ATXN7L1: variants seen among roughly 807,000 people sequenced by gnomAD.
The protein encoded by ATXN7L1 is ataxin-7-like protein 1.
Under a neutral mutation model 70.8 loss-of-function variants are expected in ATXN7L1, and 15 were observed. The observed-to-expected ratio is 0.21, with a 90% CI of 0.14 to 0.33. The LOEUF (loss-of-function observed/expected upper bound fraction) is 0.33. ATXN7L1 is among the 10% of genes least tolerant of loss of function. The pLI, the probability that ATXN7L1 is intolerant of heterozygous loss-of-function variation, is 1.00. For missense variants in ATXN7L1, 975 were observed against 1,097.1 expected (o/e 0.89, Z 1.57); for synonymous variants, 440 against 445.1 (o/e 0.99, Z 0.14).
intron 2 of ATXN7L1, among the ~76,000 whole-genome samples, chr7:105,826,894 A>G (rs1227273699): frequency 2.6e-5 from 4 of 152,200 alleles, no homozygotes; most frequent in Non-Finnish European, 5.9e-5. Flanking sequence ...ATATTTTACA[A>G]GAGACTTACA....
At chr7:105,823,132 G>A (rs1288815417) in intron 2 of ATXN7L1, among the ~76,000 whole-genome samples, 2 of 151,614 alleles carry the variant, frequency 1.3e-5, no homozygotes, top group East Asian at 3.9e-4. Flanking sequence ...TTTTGGTCAG[G>A]AACTTTGATT....
chr7:105,855,998 T>C (rs1238056960), intron 2 of ATXN7L1, among the ~76,000 whole-genome samples: 1 of 152,236 alleles, frequency 6.6e-6, no homozygotes, highest in African/African-American at 2.4e-5. Context: ...ATCATGTCTC[T>C]AGCTTTATTG....
chr7:105,835,467 A>T (rs575872283), intron 2 of ATXN7L1, among the ~76,000 whole-genome samples: 7 of 141,640 alleles, frequency 4.9e-5, no homozygotes, highest in African/African-American at 1.3e-4. Context: ...TTGTATAATT[A>T]AAAAAAAAAA....
At chr7:105,782,312 A>C (rs1028576584) in intron 3 of ATXN7L1, among the ~76,000 whole-genome samples, 8 of 152,190 alleles carry the variant, frequency 5.3e-5, no homozygotes, top group Non-Finnish European at 1.2e-4. Context: ...CCCTTTCTAC[A>C]ACTATTCCTA....
chr7:105,630,520 G>A (rs1467627890), intron 7 of ATXN7L1, among the ~76,000 whole-genome samples: 1 of 151,930 alleles, frequency 6.6e-6, no homozygotes, highest in Non-Finnish European at 1.5e-5. Flanking sequence ...TTAAAAAGAG[G>A]CATCCAGTCT....
intron 3 of ATXN7L1, among the ~76,000 whole-genome samples, chr7:105,708,359 C>T (rs1793440497): frequency 6.6e-6 from 1 of 152,184 alleles, no homozygotes; most frequent in South Asian, 2.1e-4. Context: ...ACATTTGGCT[C>T]TTGTTCCTCT....
intron 10 of ATXN7L1, chr7:105,613,611 G>T: frequency 2.2e-6 from 3 of 1,366,864 alleles, no homozygotes; most frequent in Non-Finnish European, 2.9e-6. Flanking sequence ...CACTGCACTG[G>T]GGTGTCGTGA....
chr7:105,639,610 A>T, intron 5 of ATXN7L1, 41 bp from the exon 6 acceptor site: 2 of 1,419,170 alleles, frequency 1.4e-6, no homozygotes, highest in Non-Finnish European at 1.9e-6. Context: ...AAAAAAGGAG[A>T]CTAAATAGGA....
chr7:105,816,539 A>T (rs1809223365), intron 2 of ATXN7L1, among the ~76,000 whole-genome samples: 1 of 152,152 alleles, frequency 6.6e-6, no homozygotes, highest in East Asian at 1.9e-4. Context: ...TGCTGCTGAA[A>T]ACTTCCAAGC....
intron 3 of ATXN7L1, among the ~76,000 whole-genome samples, chr7:105,739,559 G>C (rs576380729): frequency 6.6e-6 from 1 of 152,206 alleles, no homozygotes; most frequent in Non-Finnish European, 1.5e-5. Context: ...AACTGGTGGA[G>C]TGAAAAGATG....
intron 2 of ATXN7L1, among the ~76,000 whole-genome samples, chr7:105,812,346 C>T (rs893558214): frequency 2.6e-5 from 4 of 152,332 alleles, no homozygotes; most frequent in Admixed American, 2.6e-4. Context: ...TAAGTTATAT[C>T]TTTCCTACCT....
intron 3 of ATXN7L1, among the ~76,000 whole-genome samples, chr7:105,665,556 C>T (rs1322468624): frequency 6.6e-6 from 1 of 152,200 alleles, no homozygotes; most frequent in East Asian, 1.9e-4. Context: ...ACCAGGCCAT[C>T]TTTCTGCAAA....
At chr7:105,875,029 A>G (rs1291777767) in intron 2 of ATXN7L1, 1 of 152,540 alleles carries the variant, frequency 6.6e-6, no homozygotes, top group Non-Finnish European at 1.5e-5. Flanking sequence ...GCTTAGCAGC[A>G]AGTGGCCCCC....
rs142640905 is a variant in ATXN7L1 at position 105,647,220 on chromosome 7, G to T, written c.579-4099C>A. On this transcript the variant is annotated intron_variant, in intron 4 of 11. Transcript: ENST00000419735. Reference sequence around the variant, plus strand: ...AGATCTAGTTCTTGTTGCATGAGCTGGTACGAGTTAACATAACGCCTCTAG... The same window carrying T: ...AGATCTAGTTCTTGTTGCATGAGCTTGTACGAGTTAACATAACGCCTCTAG... Among the ~76,000 whole-genome samples the T allele has an allele frequency of 6.6e-5, 10 of 152,300 alleles. No individual in the cohort carries two copies. The South Asian group carries it at 8.3e-4, about 13-fold the overall frequency.
intron 3 of ATXN7L1, among the ~76,000 whole-genome samples, chr7:105,773,501 T>C (rs747469094): frequency 6.6e-5 from 10 of 152,164 alleles, no homozygotes; most frequent in Non-Finnish European, 1.3e-4. Context: ...ATTAATGTCA[T>C]CCTGGAATCG....
At chr7:105,831,338 C>G (rs1209395192) in intron 2 of ATXN7L1, among the ~76,000 whole-genome samples, 1 of 152,214 alleles carries the variant, frequency 6.6e-6, no homozygotes, top group Non-Finnish European at 1.5e-5. Flanking sequence ...CTAAATTGCT[C>G]TGGGAAAACC....
At chr7:105,710,259 TCA>T (rs1458281729) in intron 3 of ATXN7L1, among the ~76,000 whole-genome samples, 1 of 152,120 alleles carries the variant, frequency 6.6e-6, no homozygotes, top group Admixed American at 6.6e-5. Flanking sequence ...TTTAATTGAC[TCA>T]CAGTTCCACA....
intron 4 of ATXN7L1, among the ~76,000 whole-genome samples, chr7:105,653,796 T>A (rs1800210219): frequency 6.6e-6 from 1 of 151,388 alleles, no homozygotes; most frequent in African/African-American, 2.4e-5. Context: ...GACTTCTCAC[T>A]TCTCCTTGAA....
At chr7:105,832,606 A>C (rs1811770294) in intron 2 of ATXN7L1, among the ~76,000 whole-genome samples, 1 of 152,212 alleles carries the variant, frequency 6.6e-6, no homozygotes, top group Non-Finnish European at 1.5e-5. Context: ...AACTTGGAGT[A>C]GTTCTGGCCT....
Sources: allele counts gnomAD v4.1 joint callset (sites outside exome capture counted in the v4.1 genomes callset), GRCh38; gene constraint gnomAD v4.1.1; transcripts MANE v1.5; gene names NCBI Gene and HGNC (gene_info 2026-07-23, HGNC 2026-07-21).